SF3B1: variants seen among roughly 807,000 people sequenced by gnomAD.
SF3B1 encodes pre-mRNA processing 10.
Under a neutral mutation model 153.8 loss-of-function variants are expected in SF3B1, and 12 were observed. The observed-to-expected ratio is 0.08, with a 90% CI of 0.05 to 0.13. The LOEUF (loss-of-function observed/expected upper bound fraction) is 0.13. Ranked by LOEUF, SF3B1 falls within the 10% of genes least tolerant of loss-of-function variation. The probability of loss-of-function intolerance (pLI) is 1.00; values close to 1 mark genes in which losing one functional copy is unlikely to be tolerated. For missense variants in SF3B1, 513 were observed against 1,606.1 expected, an observed-to-expected ratio of 0.32 and a Z score of 11.63; for synonymous variants, 498 against 525.2, an observed-to-expected ratio of 0.95 and a Z score of 0.71.
chr2:197,406,124 A>T (rs2084989356), intron 9 of SF3B1, among the ~76,000 whole-genome samples: 1 of 151,244 alleles, frequency 6.6e-6, no homozygotes, highest in Non-Finnish European at 1.5e-5. Context: ...TTCAAAAAAA[A>T]AAAACAACTT....
intron 4 of SF3B1, 31 bp from the exon 5 acceptor site, chr2:197,418,619 G>C (rs752146738): frequency 6.3e-7 from 1 of 1,594,748 alleles, no homozygotes; most frequent in Non-Finnish European, 8.5e-7. Flanking sequence ...AGGAAAAAGA[G>C]TACAATAAAT....
intron 7 of SF3B1, 65 bp from the exon 8 acceptor site, chr2:197,408,646 TCAAA>T (rs1455312778): frequency 2.1e-5 from 23 of 1,085,200 alleles, no homozygotes; most frequent in Non-Finnish European, 2.9e-5. Flanking sequence ...TTCTTTATTC[TCAAA>T]CAGTTATACT....
chr2:197,409,996 A>G lies in SF3B1; in HGVS notation c.678T>C (p.His226=). The change falls in exon 7 of 25, where the codon CAT becomes CAC. Residue 226 remains histidine, a synonymous_variant. Coordinates refer to ENST00000335508, the MANE Select transcript of SF3B1 (RefSeq NM_012433.4). The part of the protein sequence containing the change: ...SSWDQAETPG[H]TPSLRWDETP... ...TCTCATCCCATCTTAAGGAAGGAGT[A>G]TGCCCAGGGGTCTTAAAAAAGCAAA... The G allele has an allele frequency of 6.2e-7, 1 of 1,613,778 alleles. No homozygotes were observed.
intron 22 of SF3B1, among the ~76,000 whole-genome samples, chr2:197,397,146 C>T (rs1287260780): frequency 2.6e-5 from 4 of 152,058 alleles, no homozygotes; most frequent in Non-Finnish European, 5.9e-5. Flanking sequence ...CAGTTAAATC[C>T]GTGGAGTAAT....
Position 197,400,217 on chromosome 2 carries a change from T to C in SF3B1, c.2901+35A>G, listed in dbSNP as rs1249755771. On this transcript the variant is annotated intron_variant, in intron 19 of 24. Transcript: ENST00000335508. This position sits in a 1 kb window ranked among gnomAD's most constrained non-coding sequence, Gnocchi z 5.0. ...ATGTTACTATTTACATTAAACTATTTGGGGAAGAAGTAAGAATTTGATGCA... is the reference window on the plus strand; with the variant it reads ...ATGTTACTATTTACATTAAACTATTCGGGGAAGAAGTAAGAATTTGATGCA... The C allele has an allele frequency of 1.2e-6, 2 of 1,611,330 alleles. No homozygotes were observed. Among genetic ancestry groups the C allele is most frequent in the African/African-American group, 1.3e-5 (1 of 74,968 alleles).
At chr2:197,407,122 G>C (rs2085003605) in intron 9 of SF3B1, among the ~76,000 whole-genome samples, 1 of 151,918 alleles carries the variant, frequency 6.6e-6, no homozygotes, top group South Asian at 2.1e-4. Context: ...ACATACTCAT[G>C]AACTGTTAAA....
At chr2:197,413,830 C>G (rs2085107334) in intron 6 of SF3B1, among the ~76,000 whole-genome samples, 1 of 151,022 alleles carries the variant, frequency 6.6e-6, no homozygotes, top group African/African-American at 2.4e-5. Flanking sequence ...TTTTTTGAGA[C>G]AGAGTCTCGC....
intron 22 of SF3B1, 127 bp downstream of exon 22, chr2:197,397,858 A>C (rs1349691083): frequency 1.7e-6 from 1 of 581,388 alleles, no homozygotes; most frequent in African/African-American, 1.9e-5. Flanking sequence ...TGGTTAAATG[A>C]AGAGCTTTCT....
At chr2:197,397,250 T>C (rs898663365) in intron 22 of SF3B1, among the ~76,000 whole-genome samples, 5 of 152,104 alleles carry the variant, frequency 3.3e-5, no homozygotes, top group East Asian at 1.9e-4. Flanking sequence ...AGTGGCACAA[T>C]CACAGCTCAC....
chr2:197,412,970 C>CAA lies in SF3B1; in HGVS notation c.667-2965_667-2964dup, dbSNP rs779446735. Among the ~76,000 whole-genome samples the CAA allele has an allele frequency of 8.0e-3, 358 of 44,982 alleles. 4 individuals are homozygous for CAA. Among genetic ancestry groups the CAA allele is most frequent in the Middle Eastern group, 0.027 (2 of 74 alleles). 29.5% of individuals were successfully genotyped at this position (44,982 alleles called of 152,430 possible). A position where few individuals can be genotyped will look rare whatever the true frequency, so the allele number is the denominator to read the frequency against. On this transcript the variant is annotated intron_variant, in intron 6 of 24. Coordinates refer to ENST00000335508, the MANE Select transcript of SF3B1 (RefSeq NM_012433.4). ...GGGTGACAGAGCAAGACTGTTGTCT[C>CAA]AAAAAAAAAAAAAAAAAAAAAAAAA... is the stretch of plus-strand genomic sequence containing the variant.
At chr2:197,428,253 G>A (rs546166885) in intron 1 of SF3B1, among the ~76,000 whole-genome samples, 79 of 151,856 alleles carry the variant, frequency 5.2e-4, no homozygotes, top group Middle Eastern at 3.4e-3. Flanking sequence ...CCCAGGAGGC[G>A]GAGGTTGCAG....
chr2:197,429,634 AT>A (rs1405328916), intron 1 of SF3B1, among the ~76,000 whole-genome samples: 1 of 152,090 alleles, frequency 6.6e-6, no homozygotes, highest in Non-Finnish European at 1.5e-5. Flanking sequence ...AAATACAAAA[AT>A]TAGCTGGGTG....
At chr2:197,409,569 T>A (rs878979938) in intron 7 of SF3B1, among the ~76,000 whole-genome samples, 1 of 152,170 alleles carries the variant, frequency 6.6e-6, no homozygotes, top group South Asian at 2.1e-4. Context: ...AACTTTACTT[T>A]TACCTAAGGT....
intron 11 of SF3B1, chr2:197,404,589 ATAATAT>A (rs2084969520): frequency 6.6e-6 from 1 of 152,418 alleles, no homozygotes; most frequent in African/African-American, 2.4e-5. Flanking sequence ...AAATATATAT[ATAATAT>A]TAATAATAAA....
chr2:197,395,271 G>A (rs566101699), intron 23 of SF3B1, among the ~76,000 whole-genome samples: 26 of 152,280 alleles, frequency 1.7e-4, no homozygotes, highest in Non-Finnish European at 3.2e-4. Context: ...GGCTTTTACA[G>A]AGCACAATTC....
At chr2:197,396,406 A>G in intron 22 of SF3B1, 78 bp from the exon 23 acceptor site, 1 of 1,249,032 alleles carries the variant, frequency 8.0e-7, no homozygotes, top group East Asian at 2.4e-5. Flanking sequence ...CATAAAGATG[A>G]AAACTTTTAA....
intron 2 of SF3B1, among the ~76,000 whole-genome samples, chr2:197,423,571 G>C (rs56175858): frequency 0.039 from 5,864 of 152,114 alleles, 363 homozygotes; most frequent in African/African-American, 0.13. Flanking sequence ...CTTTATAAAG[G>C]TAATGGCTGG....
chr2:197,423,058 A>C (rs766642310), intron 2 of SF3B1, among the ~76,000 whole-genome samples: 5 of 152,188 alleles, frequency 3.3e-5, no homozygotes, highest in Non-Finnish European at 7.4e-5. Context: ...ATAGGAATTC[A>C]AACAGACATG....
rs1248170733 is a variant in SF3B1 at position 197,396,343 on chromosome 2, T to C, written c.3267-15A>G. The C allele has an allele frequency of 6.9e-6, 11 of 1,600,966 alleles. No homozygotes were observed. Among genetic ancestry groups the C allele is most frequent in the South Asian group, 4.5e-5 (4 of 89,878 alleles). On this transcript the variant is annotated splice_polypyrimidine_tract_variant and intron_variant, in intron 22 of 24. Coordinates refer to ENST00000335508, the MANE Select transcript of SF3B1 (RefSeq NM_012433.4). ...CATCATGAGGGCTGAAAAAAACAAA[T>C]GGGTCAACAAGCTGTTACATTATAA...
Sources: gnomAD v4.1 joint callset for allele counts (sites outside exome capture counted in the v4.1 genomes callset) on GRCh38, gnomAD v4.1.1 for gene constraint, Gnocchi (gnomAD v3.1) non-coding constraint, MANE v1.5 for transcripts, NCBI Gene and HGNC (gene_info 2026-07-23, HGNC 2026-07-21) for gene names.